NSUN2: variants seen among roughly 807,000 people sequenced by gnomAD.
The protein encoded by NSUN2 is NOP2/Sun RNA methyltransferase 2.
NSUN2 carries 63 observed loss-of-function variants against 92.7 expected under a neutral mutation model. The ratio of observed to expected loss-of-function variants is 0.68; its 90% CI spans 0.56 to 0.84. The LOEUF is 0.84. Among genes scored for constraint, NSUN2 ranks in the 40% least tolerant of loss-of-function variants. The pLI is 0.00. For missense variants in NSUN2, 989 were observed against 964.9 expected, an observed-to-expected ratio of 1.02 and a Z score of -0.33; for synonymous variants, 356 against 348.3, an observed-to-expected ratio of 1.02 and a Z score of -0.25.
At chr5:6,620,555 C>A (rs1021377567) in intron 6 of NSUN2, 2 of 345,046 alleles carry the variant, frequency 5.8e-6, no homozygotes, top group African/African-American at 4.2e-5. Flanking sequence ...TGCCAATTAC[C>A]ATGCCAAAAA....
Position 6,620,305 on chromosome 5 carries a change from G to T in NSUN2, c.623-7C>A, listed in dbSNP as rs761547832. 22 of 1,564,176 alleles carry T rather than the reference G, an allele frequency of 1.4e-5. No individual in the cohort carries two copies. The South Asian group carries it at 2.6e-4, about 18-fold the overall frequency. On this transcript the variant is annotated splice_polypyrimidine_tract_variant and splice_region_variant and intron_variant, in intron 6 of 18. Coordinates refer to ENST00000264670, the MANE Select transcript of NSUN2 (RefSeq NM_017755.6). ...TTCGCAATAACAAATCCCTCTGAAG[G>T]CACAGAATTGCAGTGTCAGGTGAAA... is the stretch of plus-strand genomic sequence containing the variant.
intron 14 of NSUN2, among the ~76,000 whole-genome samples, chr5:6,606,587 G>A (rs1419018084): frequency 6.6e-6 from 1 of 150,814 alleles, no homozygotes; most frequent in African/African-American, 2.4e-5. Flanking sequence ...GCCCGGTCCA[G>A]TTTTTTTTTA....
rs1295125989 is a variant in NSUN2 at position 6,604,625 on chromosome 5, C to T, written c.1798G>A (p.Ala600Thr). The T allele has an allele frequency of 1.2e-6, 2 of 1,614,018 alleles. No homozygotes were observed. The highest frequency in any genetic ancestry group is 2.2e-5 in the South Asian group (2 of 91,084). ...ATTACCTCCTGTGCCAGCCGGAAAG[C>T]ACAGTCAAACTCTTCACCGCTGTTA... ...RNNSGEEFDC[A>T]FRLAQEGIYT... Residue 600 changes from alanine (A) to threonine (T), a missense_variant, in exon 16 of 19, where the codon GCT becomes ACT. By Grantham distance (58) the Ala-to-Thr change is moderately conservative (BLOSUM62 0). Coordinates refer to ENST00000264670, the MANE Select transcript of NSUN2 (RefSeq NM_017755.6).
At chr5:6,616,141 T>C (rs149743603) in intron 9 of NSUN2, among the ~76,000 whole-genome samples, 1 of 152,328 alleles carries the variant, frequency 6.6e-6, no homozygotes, top group East Asian at 1.9e-4. Context: ...GATCCAGCCA[T>C]TCAACTTCTG....
At position 6,620,263 on chromosome 5, in the gene NSUN2, G is replaced by C; in HGVS notation, c.658C>G (p.Arg220Gly). ...FVIANDVDNK[R>G]CYLLVHQAKR... ...GCTTGATGGACGAGCAGGTAGCAGC[G>C]CTTGTTGTCCACATCATTCGCAATA... Residue 220 changes from arginine to glycine, a missense_variant, in exon 7 of 19, where the codon CGC (arginine) becomes GGC (glycine). Arg to Gly is a moderately radical substitution (Grantham distance 125). Coordinates refer to ENST00000264670, the MANE Select transcript of NSUN2 (RefSeq NM_017755.6). 6.2e-7 allele frequency: 1 copy of C among 1,604,374 alleles called. No homozygotes were observed. The highest frequency in any genetic ancestry group is 8.5e-7 in the Non-Finnish European group (1 of 1,176,302).
Position 6,599,536 on chromosome 5 carries a change from C to A in NSUN2, c.*390G>T, listed in dbSNP as rs1453861183. ...TTCCCCAAGAATTTATAGATTCTTT[C>A]TATAAATAATAATTTAAAAAATACT... On this transcript the variant is annotated 3_prime_UTR_variant, in exon 19 of 19. Coordinates refer to ENST00000264670, the MANE Select transcript of NSUN2 (RefSeq NM_017755.6). The A allele has an allele frequency of 6.2e-6, 1 of 162,168 alleles. No homozygotes were observed. The highest frequency in any genetic ancestry group is 2.4e-5 in the African/African-American group (1 of 41,672). 10.0% of individuals were successfully genotyped at this position (162,168 alleles called of 1,614,324 possible).
chr5:6,617,939 G>A lies in NSUN2; in HGVS notation c.890+11C>T. The A allele has an allele frequency of 1.2e-6, 2 of 1,606,956 alleles. No individual in the cohort carries two copies. The highest frequency in any genetic ancestry group is 1.7e-6 in the Non-Finnish European group (2 of 1,173,840). ...GTCACACAGTGTTAGCAGTGATGAA[G>A]TTTTACTTACCCATGTAGCTGCAAG... On this transcript the variant is annotated intron_variant, in intron 8 of 18. Transcript: ENST00000264670.
intron 8 of NSUN2, among the ~76,000 whole-genome samples, chr5:6,617,336 TAC>T (rs1199014572): frequency 2.6e-5 from 4 of 152,130 alleles, no homozygotes; most frequent in Non-Finnish European, 5.9e-5. Flanking sequence ...TCAGGCACAG[TAC>T]AGTCCTGCAT....
At chr5:6,621,858 G>A (rs1404475849) in intron 6 of NSUN2, 158 bp downstream of exon 6, 8 of 613,320 alleles carry the variant, frequency 1.3e-5, no homozygotes, top group African/African-American at 1.8e-5. Flanking sequence ...GACGGTGGTA[G>A]GCAAGATGTC....
intron 12 of NSUN2, among the ~76,000 whole-genome samples, chr5:6,608,336 T>C (rs1030759295): frequency 3.3e-5 from 5 of 152,216 alleles, no homozygotes; most frequent in African/African-American, 9.7e-5. Flanking sequence ...AACCTCATTC[T>C]GGGACCTTCA....
chr5:6,600,636 C>G (rs1444521342), intron 18 of NSUN2, among the ~76,000 whole-genome samples: 1 of 152,208 alleles, frequency 6.6e-6, no homozygotes, highest in Non-Finnish European at 1.5e-5. Flanking sequence ...CCTAAGTGGA[C>G]TGAAGCTCCT....
chr5:6,620,371 CA>C (rs1340719624), intron 6 of NSUN2, 73 bp from the exon 7 acceptor site: 3 of 1,178,416 alleles, frequency 2.5e-6, no homozygotes, highest in Non-Finnish European at 3.5e-6. Context: ...ATGCGACCTC[CA>C]AAGGTCAGCC....
chr5:6,600,272 C>A, intron 18 of NSUN2, 40 bp from the exon 19 acceptor site: 1 of 1,556,094 alleles, frequency 6.4e-7, no homozygotes. Flanking sequence ...ATTAAACATT[C>A]CCATAACTAA....
In NSUN2 at chr5:6,616,659, T is replaced by C. The variant is rs1737222711; in HGVS notation, c.1021+68A>G. On this transcript the variant is annotated intron_variant, in intron 9 of 18. Transcript: ENST00000264670. ...TTAAGATGGTAAACCTCACGTTATG[T>C]GTATTGTACCATACACATATGAAAA... 2.5e-5 allele frequency: 4 copies of C among 162,690 alleles called. 1 individual carries two copies. In the Admixed American group the frequency reaches 4.6e-4, roughly 19 times the overall value. The allele number at this position is 162,690 out of a possible 1,614,324, so 10.1% of individuals were successfully genotyped here. A position where few individuals can be genotyped will look rare whatever the true frequency, so the allele number is the denominator to read the frequency against.
chr5:6,600,160 C>T lies in NSUN2; in HGVS notation c.2070G>A (p.Val690=), dbSNP rs1010666193. 1.9e-6 allele frequency: 3 copies of T among 1,614,082 alleles called. No homozygotes were observed. In the African/African-American group the frequency reaches 4.0e-5, roughly 22 times the overall value. Residue 690 remains valine (V), a synonymous_variant, in exon 19 of 19, where the codon GTG becomes GTA. Coordinates refer to ENST00000264670, the MANE Select transcript of NSUN2 (RefSeq NM_017755.6). ...WRGKASIRTF[V]PKNERLHYLR... ...GATAATGAAGCCGTTCATTCTTGGG[C>T]ACAAAAGTTCGAATGGAGGCCTTTC...
At chr5:6,622,221 T>G (rs1560982635) in intron 5 of NSUN2, 121 bp from the exon 6 acceptor site, 1 of 717,492 alleles carries the variant, frequency 1.4e-6, no homozygotes, top group East Asian at 2.7e-5. Flanking sequence ...CTTTACAGAG[T>G]CTATAGCATG....
At chr5:6,604,373 G>A in intron 16 of NSUN2, 97 bp from the exon 17 acceptor site, 1 of 1,199,440 alleles carries the variant, frequency 8.3e-7, no homozygotes, top group Non-Finnish European at 1.2e-6. Flanking sequence ...CGGCTATGGT[G>A]GTCGAGCCCT....
intron 7 of NSUN2, 37 bp downstream of exon 7, chr5:6,620,069 T>C: frequency 6.8e-7 from 1 of 1,477,304 alleles, no homozygotes. Context: ...TTGATTTCTT[T>C]AGTGGATTTG....
chr5:6,604,423 C>G, intron 16 of NSUN2, 147 bp from the exon 17 acceptor site: 5 of 919,722 alleles, frequency 5.4e-6, no homozygotes, highest in Non-Finnish European at 8.2e-6. Flanking sequence ...GGAACCCACC[C>G]CCCCCTAGGA....
Sources: allele counts gnomAD v4.1 joint callset (sites outside exome capture counted in the v4.1 genomes callset), GRCh38; gene constraint gnomAD v4.1.1; transcripts MANE v1.5; gene names NCBI Gene and HGNC (gene_info 2026-07-23, HGNC 2026-07-21).